Variants in CLOCK observed in about 807,000 individuals in gnomAD.
The protein encoded by CLOCK is clock circadian regulator.
In CLOCK, 43 loss-of-function variants were observed where a neutral mutation model predicts 118.4. The observed-to-expected ratio is 0.36, with a 90% CI of 0.28 to 0.47. The LOEUF is 0.47. Ranked by LOEUF, CLOCK falls within the 20% of genes least tolerant of loss-of-function variation. The probability of loss-of-function intolerance (pLI) is 1.00; values close to 1 mark genes in which losing one functional copy is unlikely to be tolerated. For missense variants in CLOCK, 846 were observed against 999.9 expected, an observed-to-expected ratio of 0.85 and a Z score of 2.08; for synonymous variants, 326 against 339.2, an observed-to-expected ratio of 0.96 and a Z score of 0.43.
chr4:55,479,413 G>C (rs1343509963), intron 5 of CLOCK, among the ~76,000 whole-genome samples: 3 of 152,066 alleles, frequency 2.0e-5, no homozygotes. Flanking sequence ...TTTGAAGTCA[G>C]ATTTTCTAAT....
chr4:55,465,505 T>C (rs777723620), intron 8 of CLOCK, among the ~76,000 whole-genome samples: 1 of 152,222 alleles, frequency 6.6e-6, no homozygotes, highest in Non-Finnish European at 1.5e-5. Context: ...CACCGTGCCT[T>C]GTGTTTAACA....
intron 1 of CLOCK, among the ~76,000 whole-genome samples, chr4:55,535,423 GGCGCCA>G (rs1730828179): frequency 1.3e-5 from 2 of 152,030 alleles, no homozygotes; most frequent in South Asian, 4.1e-4. Flanking sequence ...AAAAATGACA[GGCGCCA>G]GCTAGAGTGG....
At chr4:55,435,665 T>C (rs1279203077) in intron 22 of CLOCK, 71 bp from the exon 23 acceptor site, 7 of 1,474,504 alleles carry the variant, frequency 4.7e-6, no homozygotes, top group Non-Finnish European at 6.6e-6. Flanking sequence ...TTACTCACAC[T>C]CTCCCCTGTC....
chr4:55,488,043 C>T (rs1727412077), intron 3 of CLOCK, among the ~76,000 whole-genome samples: 1 of 152,206 alleles, frequency 6.6e-6, no homozygotes, highest in Non-Finnish European at 1.5e-5. Context: ...CTTTCATCCC[C>T]ACCACTCCAC....
chr4:55,531,657 A>G lies in CLOCK; in HGVS notation c.-290+15125T>C, dbSNP rs371614713. 6.5e-5 allele frequency among the ~76,000 whole-genome samples: 9 copies of G among 138,978 alleles called. No homozygotes were observed. In the Admixed American group the frequency reaches 7.0e-4, roughly 11 times the overall value. 91.2% of individuals were successfully genotyped at this position (138,978 alleles called of 152,430 possible). ...GAGGCAGAGGTTGTAGTGAGTCGAG[A>G]TCACGCCACTGTATTCCAGCCTGGC... On this transcript the variant is annotated intron_variant, in intron 1 of 22. Coordinates refer to ENST00000513440, the MANE Select transcript of CLOCK (RefSeq NM_004898.4).
In CLOCK at chr4:55,526,511, T is replaced by C. The variant is rs182154887; in HGVS notation, c.-289-16446A>G. ...CTAGAATCTATGAACCTTTAGATCA[T>C]ACATTCTCAACAGTAGCAATGTCAC... On this transcript the variant is annotated intron_variant, in intron 1 of 22. Coordinates refer to ENST00000513440, the MANE Select transcript of CLOCK (RefSeq NM_004898.4). Among the ~76,000 whole-genome samples, 14 of 152,314 alleles carry C rather than the reference T, an allele frequency of 9.2e-5. No homozygotes were observed. The East Asian group carries it at 2.7e-3, about 29-fold the overall frequency.
intron 9 of CLOCK, among the ~76,000 whole-genome samples, chr4:55,463,226 CTGTTTAAT>C (rs71194570): frequency 0.3 from 45,678 of 151,048 alleles, 7,414 homozygotes; most frequent in East Asian, 0.58. Flanking sequence ...TAACAAATGA[CTGTTTAAT>C]TGTTTAATAA....
At chr4:55,537,548 G>A (rs755211645) in intron 1 of CLOCK, among the ~76,000 whole-genome samples, 13 of 152,232 alleles carry the variant, frequency 8.5e-5, no homozygotes, top group Non-Finnish European at 1.6e-4. Context: ...AGCCTGAGAC[G>A]TCGACACTGT....
intron 1 of CLOCK, among the ~76,000 whole-genome samples, chr4:55,527,756 A>G (rs577204186): frequency 1.2e-4 from 19 of 152,246 alleles, no homozygotes; most frequent in Admixed American, 1.0e-3. Flanking sequence ...ATGAAAGAAA[A>G]TATCAGCTGG....
intron 14 of CLOCK, 120 bp downstream of exon 14, chr4:55,453,557 T>C (rs370681308): frequency 1.4e-6 from 1 of 693,658 alleles, no homozygotes. Flanking sequence ...TGAAAGGATC[T>C]ATCAGCAATT....
At chr4:55,448,599 C>CGTGTGT (rs1328426824) in intron 18 of CLOCK, among the ~76,000 whole-genome samples, 180 bp downstream of exon 18, 5 of 105,592 alleles carry the variant, frequency 4.7e-5, no homozygotes, top group Non-Finnish European at 1.1e-4. Context: ...CGCGCACGCG[C>CGTGTGT]GCGTGTGTGT....
At chr4:55,483,905 T>C (rs1175022038) in intron 3 of CLOCK, among the ~76,000 whole-genome samples, 2 of 152,238 alleles carry the variant, frequency 1.3e-5, no homozygotes, top group Non-Finnish European at 2.9e-5. Context: ...CTCTATATTC[T>C]ATAGGTTGAG....
intron 1 of CLOCK, among the ~76,000 whole-genome samples, chr4:55,536,548 A>T (rs1257400570): frequency 6.6e-6 from 1 of 152,130 alleles, no homozygotes; most frequent in Non-Finnish European, 1.5e-5. Context: ...TTGCCTTGTC[A>T]TGCACCTGCT....
In CLOCK at chr4:55,428,679, A is replaced by G. The variant is rs1332834222; in HGVS notation, c.*6736T>C. ...CAAGAACCAAGCAGTAAGGACAGCA[A>G]TGTCAAGAATATCACATTGAGAACC... On this transcript the variant is annotated 3_prime_UTR_variant, in exon 23 of 23. Coordinates refer to ENST00000513440, the MANE Select transcript of CLOCK (RefSeq NM_004898.4). The G allele has an allele frequency of 3.3e-5, 5 of 152,214 alleles. No individual in the cohort carries two copies. Among genetic ancestry groups the G allele is most frequent in the Admixed American group, 6.5e-5 (1 of 15,286 alleles). The allele number at this position is 152,214 out of a possible 1,614,324, so 9.4% of individuals were successfully genotyped here.
At chr4:55,472,812 C>T (rs893254290) in intron 7 of CLOCK, among the ~76,000 whole-genome samples, 1 of 151,724 alleles carries the variant, frequency 6.6e-6, no homozygotes, top group African/African-American at 2.4e-5. Flanking sequence ...TCTAGAATGG[C>T]TCAAACAAAC....
chr4:55,480,066 A>C (rs1472963606), intron 4 of CLOCK, among the ~76,000 whole-genome samples: 1 of 152,222 alleles, frequency 6.6e-6, no homozygotes, highest in African/African-American at 2.4e-5. Flanking sequence ...GCATAATTTA[A>C]ATTTTTTCTT....
intron 7 of CLOCK, among the ~76,000 whole-genome samples, chr4:55,475,597 G>A (rs908874975): frequency 1.3e-5 from 2 of 151,952 alleles, no homozygotes; most frequent in African/African-American, 2.4e-5. Flanking sequence ...AGAAATTGCC[G>A]TAGCCACCCC....
intron 1 of CLOCK, chr4:55,545,349 C>A (rs753967067): frequency 2.0e-5 from 3 of 152,118 alleles, no homozygotes; most frequent in Non-Finnish European, 4.4e-5. Flanking sequence ...AAATTACATC[C>A]TTTTAAGAAT....
rs371371852 is a variant in CLOCK, at chr4:55,438,460, G to A, written c.2183C>T (p.Thr728Ile). 1.2e-6 allele frequency: 2 copies of A among 1,613,854 alleles called. No homozygotes were observed. Among genetic ancestry groups the A allele is most frequent in the Non-Finnish European group, 1.7e-6 (2 of 1,179,996 alleles). The change falls in exon 22 of 23, where the codon ACT becomes ATT. Residue 728 changes from threonine (T) to isoleucine (I), a missense_variant. Thr to Ile is a moderately conservative substitution (Grantham distance 89, BLOSUM62 -1). Transcript: ENST00000513440. ...AGTCACCACCTGGCCCATAAGCATA[G>A]TACTAGGTACCATGACTGCCCCACA... ...VACGAVMVPS[T>I]MLMGQVVTAY...
Sources: gnomAD v4.1 joint callset for allele counts (sites outside exome capture counted in the v4.1 genomes callset) on GRCh38, gnomAD v4.1.1 for gene constraint, MANE v1.5 for transcripts, NCBI Gene and HGNC (gene_info 2026-07-23, HGNC 2026-07-21) for gene names.